Variants in DHX58 observed in about 807,000 individuals in gnomAD.
The protein encoded by DHX58 is DExH-box helicase 58, also known as ATP-dependent RNA helicase DHX58.
Under a neutral mutation model 65.0 loss-of-function variants are expected in DHX58, and 51 were observed. The observed-to-expected ratio is 0.78, with a 90% CI of 0.63 to 0.99. DHX58 has a LOEUF of 0.99. DHX58 is among the 50% of genes least tolerant of loss of function. The pLI is 0.00. For synonymous variants in DHX58, 350 were observed against 365.0 expected (o/e 0.96, Z 0.47); for missense variants, 773 against 891.8 (o/e 0.87, Z 1.70).
At chr17:42,110,148 C>T (rs1598220862) in intron 5 of DHX58, among the ~76,000 whole-genome samples, 2 of 148,916 alleles carry the variant, frequency 1.3e-5, no homozygotes, top group East Asian at 3.9e-4. Flanking sequence ...AATCATGCCA[C>T]TGCCCTCCAG....
chr17:42,109,685 C>T (rs2054118583), intron 5 of DHX58, among the ~76,000 whole-genome samples: 1 of 150,602 alleles, frequency 6.6e-6, no homozygotes, highest in Non-Finnish European at 1.5e-5. Flanking sequence ...CACCTGAGGT[C>T]AGGAGTTTGA....
intron 6 of DHX58, 104 bp downstream of exon 6, chr17:42,109,166 T>G (rs1598219673): frequency 1.1e-6 from 1 of 902,410 alleles, no homozygotes; most frequent in East Asian, 2.7e-5. Flanking sequence ...ACATAGCAAG[T>G]GACCTGAAGT....
rs2054093131 is a variant in DHX58, at chr17:42,108,085, C to T, written c.702G>A (p.Lys234=). Residue 234 remains lysine (K), a synonymous_variant, in exon 7 of 14, where the codon AAG becomes AAA. Coordinates refer to ENST00000251642, the MANE Select transcript of DHX58 (RefSeq NM_024119.3). ...GGTCATGGATTTGGTCCATGAGCTT[C>T]TTCAGCAAGTCCCCAAACGGATCCT... The part of the protein sequence containing the change: ...RSQDPFGDLL[K]KLMDQIHDHL... The T allele has an allele frequency of 1.9e-6, 3 of 1,614,138 alleles. No homozygotes were observed. The highest frequency in any genetic ancestry group is 2.5e-6 in the Non-Finnish European group (3 of 1,180,054).
chr17:42,106,111 A>G (rs535885640), intron 8 of DHX58, 122 bp from the exon 9 acceptor site: 25 of 965,256 alleles, frequency 2.6e-5, no homozygotes, highest in Middle Eastern at 6.6e-4. Context: ...GAGAGCTATG[A>G]TTGCACCACT....
In DHX58 at chr17:42,111,438, G is replaced by T; in HGVS notation, c.228C>A (p.Thr76=). ...EFRRMLDGRW[T]VTTLSGDMGP... ...CCATGTCCCCACTCAGGGTTGTCACGGTCCAGCGTCCATCCAGCATGCGCC... is the reference window on the plus strand; with the variant it reads ...CCATGTCCCCACTCAGGGTTGTCACTGTCCAGCGTCCATCCAGCATGCGCC... The change falls in exon 4 of 14, where the codon ACC becomes ACA. Residue 76 remains threonine (T), a synonymous_variant. Coordinates refer to ENST00000251642, the MANE Select transcript of DHX58 (RefSeq NM_024119.3). 1 of 1,614,174 alleles carries T rather than the reference G, an allele frequency of 6.2e-7. No homozygotes were observed. Among genetic ancestry groups the T allele is most frequent in the Non-Finnish European group, 8.5e-7 (1 of 1,180,030 alleles).
At position 42,105,021 on chromosome 17, in the gene DHX58, G is replaced by A; in HGVS notation, c.1398C>T (p.Val466=). 6.2e-7 allele frequency: 1 copy of A among 1,613,132 alleles called. No homozygotes were observed. The change falls in exon 10 of 14, where the codon GTC becomes GTT. Residue 466 remains valine (V), a synonymous_variant. Transcript: ENST00000251642. ...YGLLTNEISM[V]QARGRARADQ... ...GAGTGGAGGAGGATGTGAGTACCTG[G>A]ACCATGGAGATTTCATTGGTCAAGA...
rs1246256841 is a variant in DHX58 at position 42,101,533 on chromosome 17, A to G, written c.*228T>C. On this transcript the variant is annotated 3_prime_UTR_variant, in exon 14 of 14. Coordinates refer to ENST00000251642, the MANE Select transcript of DHX58 (RefSeq NM_024119.3). ...CTTTTGCCTCAGTTTCCCTAACTCC[A>G]TCCAGTGCATATGAAAATGTCTATG... is the stretch of plus-strand genomic sequence containing the variant. 2.1e-6 allele frequency: 1 copy of G among 483,032 alleles called. No individual in the cohort carries two copies. The highest frequency in any genetic ancestry group is 4.2e-5 in the South Asian group (1 of 23,980). 29.9% of individuals were successfully genotyped at this position (483,032 alleles called of 1,614,324 possible). A position where few individuals can be genotyped will look rare whatever the true frequency, so the allele number is the denominator to read the frequency against.
chr17:42,102,794 G>A (rs1555661778), intron 12 of DHX58: 1 of 151,360 alleles, frequency 6.6e-6, no homozygotes. Flanking sequence ...AGGTCAACTG[G>A]TGTCGCTTTT....
At chr17:42,107,903 C>A in intron 7 of DHX58, 79 bp downstream of exon 7, 1 of 1,597,112 alleles carries the variant, frequency 6.3e-7, no homozygotes, top group Admixed American at 1.7e-5. Flanking sequence ...GGCCCCGCCC[C>A]AAAGGCCTCC....
chr17:42,103,863 G>T lies in DHX58; in HGVS notation c.1564-65C>A, dbSNP rs1435457130. ...GAGAACGTTCCTTGGGGGACAAAAG[G>T]TTCCCAAAGAACTAAGATCATTTGT... On this transcript the variant is annotated intron_variant, in intron 11 of 13. Coordinates refer to ENST00000251642, the MANE Select transcript of DHX58 (RefSeq NM_024119.3). 4 of 1,518,558 alleles carry T rather than the reference G, an allele frequency of 2.6e-6. No homozygotes were observed. The East Asian group carries it at 6.8e-5, about 26-fold the overall frequency. The allele number at this position is 1,518,558 out of a possible 1,614,324, so 94.1% of individuals were successfully genotyped here.
chr17:42,112,575 G>A (rs1219125305), intron 1 of DHX58, 30 bp downstream of exon 1: 1 of 58,684 alleles, frequency 1.7e-5, no homozygotes, highest in Non-Finnish European at 3.3e-5. Context: ...AGGTGGGGGT[G>A]GGGGGGGGTG....
rs2054110437 is a variant in DHX58 at position 42,109,203 on chromosome 17, GGCCCAA to G, written c.678+61_678+66del. On this transcript the variant is annotated intron_variant, in intron 6 of 13. Transcript: ENST00000251642. The stretch of plus-strand genomic sequence containing the variant: ...ACAGAGCTAGTGAGGGCAGAGTCAG[GGCCCAA>G]GCCTAGGTGTCCTAACTTCACACCG... 22 of 1,391,094 alleles carry G rather than the reference GGCCCAA, an allele frequency of 1.6e-5. 1 individual carries two copies. The highest frequency in any genetic ancestry group is 2.4e-5 in the East Asian group (1 of 42,250). The allele number at this position is 1,391,094 out of a possible 1,614,324, so 86.2% of individuals were successfully genotyped here. A position where few individuals can be genotyped will look rare whatever the true frequency, so the allele number is the denominator to read the frequency against.
rs782042059 is a variant in DHX58 at position 42,101,786 on chromosome 17, TTCTCG to T, written c.2007_2011del (p.Glu670LeufsTer35). ...TCAGTCCAGGGAGAGGTCCGACAAG[TTCTCG>T]GCACAATGCTGCAGGAAGTCAAAGT... On this transcript the variant is annotated frameshift_variant, in exon 14 of 14. Coordinates refer to ENST00000251642, the MANE Select transcript of DHX58 (RefSeq NM_024119.3). LOFTEE classifies it high-confidence loss of function. The T allele has an allele frequency of 4.3e-6, 7 of 1,614,154 alleles. No homozygotes were observed. In the South Asian group the frequency reaches 7.7e-5, roughly 18 times the overall value.
rs146459535 is a variant in DHX58 at position 42,110,750 on chromosome 17, G to A, written c.534C>T (p.Leu178=). 2.5e-5 allele frequency: 41 copies of A among 1,610,200 alleles called. No homozygotes were observed. Among genetic ancestry groups the A allele is most frequent in the African/African-American group, 4.0e-5 (3 of 74,826 alleles). The change falls in exon 5 of 14, where the codon CTC becomes CTT. Residue 178 remains leucine (L), a synonymous_variant. Transcript: ENST00000251642. The stretch of plus-strand genomic sequence containing the variant: ...GCAGGACGTGGTTGATGGCCCCATC[G>A]AGTTTGGAGGCCCCGCCAGTGCCTG... ...ASPGTGGASK[L]DGAINHVLQL... is the part of the protein sequence containing the mutation.
chr17:42,109,311 G>A lies in DHX58; in HGVS notation c.637C>T (p.Gln213Ter). 6.2e-7 allele frequency: 1 copy of A among 1,613,770 alleles called. No individual in the cohort carries two copies. The highest frequency in any genetic ancestry group is 8.5e-7 in the Non-Finnish European group (1 of 1,179,846). ...CAGAGGTTGTACTGTTTGCAAGGCT[G>A]TTGGCTGTGCTCCTGCAGCTGGGGG... ...CCPQLQEHSQQPCKQYNLCHR... is the reference protein window; with the variant it reads ...CCPQLQEHSQ Residue 213 changes from glutamine to a stop codon, truncating the protein, a stop_gained, in exon 6 of 14, where the codon CAG becomes TAG. Coordinates refer to ENST00000251642, the MANE Select transcript of DHX58 (RefSeq NM_024119.3). LOFTEE classifies it high-confidence loss of function.
intron 2 of DHX58, 77 bp downstream of exon 2, chr17:42,112,036 A>G: frequency 9.4e-7 from 1 of 1,063,156 alleles, no homozygotes; most frequent in Non-Finnish European, 1.3e-6. Context: ...AGAACCCATC[A>G]GGACCCTGCT....
Position 42,110,876 on chromosome 17 carries a change from C to T in DHX58, c.408G>A (p.Thr136=), listed in dbSNP as rs1224137160. 17 of 1,612,670 alleles carry T rather than the reference C, an allele frequency of 1.1e-5. No individual in the cohort carries two copies. The highest frequency in any genetic ancestry group is 1.6e-4 in the Middle Eastern group (1 of 6,078). The change falls in exon 5 of 14, where the codon ACG becomes ACA. Residue 136 remains threonine, a synonymous_variant. Coordinates refer to ENST00000251642, the MANE Select transcript of DHX58 (RefSeq NM_024119.3). The part of the protein sequence containing the change: ...SLIVVDECHH[T]HKDTVYNVIM... ...TGACGTTGTAGACGGTGTCCTTGTG[C>T]GTGTGGTGGCACTCATCCACCACGA...
In DHX58 at chr17:42,111,312, C is replaced by T; in HGVS notation, c.354G>A (p.Glu118=). Residue 118 remains glutamate (E), a synonymous_variant, in exon 4 of 14, where the codon GAG becomes GAA. Coordinates refer to ENST00000251642, the MANE Select transcript of DHX58 (RefSeq NM_024119.3). Reference sequence around the variant, plus strand: ...GGCCCTCACCAGTGAGCTCCACGTGCTCCTCCTCCTCGGGGCTGGTCAGTG... The same window carrying T: ...GGCCCTCACCAGTGAGCTCCACGTGTTCCTCCTCCTCGGGGCTGGTCAGTG... ...QMALTSPEEE[E]HVELTVFSLI... 1.9e-6 allele frequency: 3 copies of T among 1,612,476 alleles called. No individual in the cohort carries two copies. The highest frequency in any genetic ancestry group is 2.5e-6 in the Non-Finnish European group (3 of 1,178,674).
At chr17:42,103,461 A>T (rs1394383804) in intron 12 of DHX58, 147 bp downstream of exon 12, 2 of 1,014,908 alleles carry the variant, frequency 2.0e-6, no homozygotes, top group African/African-American at 3.3e-5. Context: ...TAAAATGGAG[A>T]CAGGGATAAA....
Sources: gnomAD v4.1 joint callset for allele counts (sites outside exome capture counted in the v4.1 genomes callset) on GRCh38, gnomAD v4.1.1 for gene constraint, MANE v1.5 for transcripts, NCBI Gene and HGNC (gene_info 2026-07-23, HGNC 2026-07-21) for gene names.